The following RAB27A variants were observed in gnomAD, a reference collection of about 807,000 sequenced individuals.
RAB27A encodes the protein RAB27A, member RAS oncogene family.
A neutral mutation model predicts 20.8 loss-of-function variants in RAB27A; 17 were observed. The observed-to-expected ratio is 0.82, with a 90% confidence interval of 0.56 to 1.23. RAB27A has a LOEUF of 1.23. Among genes scored for constraint, RAB27A ranks in the 50% most tolerant of loss-of-function variants. RAB27A has a pLI of 0.00. For missense variants in RAB27A, 277 were observed against 266.7 expected, an observed-to-expected ratio of 1.04 and a Z score of -0.27; for synonymous variants, 85 against 92.8, an observed-to-expected ratio of 0.92 and a Z score of 0.48.
At chr15:55,271,619 A>G (rs901998126) in intron 1 of RAB27A, among the ~76,000 whole-genome samples, 1 of 152,222 alleles carries the variant, frequency 6.6e-6, no homozygotes, top group Admixed American at 6.5e-5. Flanking sequence ...TAATTATTCA[A>G]TTTATTTCTT....
At chr15:55,305,914 A>G (rs1416082168) in intron 2 of RAB27A, among the ~76,000 whole-genome samples, 4 of 152,214 alleles carry the variant, frequency 2.6e-5, no homozygotes, top group Non-Finnish European at 5.9e-5. Context: ...TCCTGCTCCA[A>G]TAACAAAAGG....
In RAB27A at chr15:55,205,274, G is replaced by A; in HGVS notation, c.*233C>T. 1 of 572,112 alleles carries A rather than the reference G, an allele frequency of 1.7e-6. No individual in the cohort carries two copies. The highest frequency in any genetic ancestry group is 2.0e-5 in the South Asian group (1 of 50,180). 35.4% of individuals were successfully genotyped at this position (572,112 alleles called of 1,614,324 possible). On this transcript the variant is annotated 3_prime_UTR_variant, in exon 7 of 7. Transcript: ENST00000336787. ...CTATAATAGGCTAAGGTTGTATAAGGCACTTTTGGCTCTGAAATATTTCTC... is the reference window on the plus strand; with the variant it reads ...CTATAATAGGCTAAGGTTGTATAAGACACTTTTGGCTCTGAAATATTTCTC...
At chr15:55,287,679 G>A (rs778750542) in intron 1 of RAB27A, among the ~76,000 whole-genome samples, 8 of 152,010 alleles carry the variant, frequency 5.3e-5, no homozygotes, top group Admixed American at 6.5e-5. Context: ...CCAGGGAGGC[G>A]GAGGTTGCAG....
At chr15:55,248,438 T>TGTA (rs1896769496) in intron 2 of RAB27A, among the ~76,000 whole-genome samples, 3 of 152,190 alleles carry the variant, frequency 2.0e-5, no homozygotes, top group Non-Finnish European at 4.4e-5. Flanking sequence ...TGAGTTGCTA[T>TGTA]ATCAACTTCA....
chr15:55,218,747 T>TC (rs1427214687), intron 6 of RAB27A, among the ~76,000 whole-genome samples: 2 of 151,754 alleles, frequency 1.3e-5, no homozygotes, highest in East Asian at 3.9e-4. Flanking sequence ...ACATTCTTTT[T>TC]TTTTTTTTTT....
chr15:55,259,486 T>C, intron 2 of RAB27A, among the ~76,000 whole-genome samples: 1 of 151,290 alleles, frequency 6.6e-6, no homozygotes, highest in Non-Finnish European at 1.5e-5. Flanking sequence ...GGGGTCTCAC[T>C]ATGTTGCCCA....
At chr15:55,285,633 C>A (rs1219787957) in intron 1 of RAB27A, among the ~76,000 whole-genome samples, 1 of 152,232 alleles carries the variant, frequency 6.6e-6, no homozygotes, top group East Asian at 1.9e-4. Flanking sequence ...CCAAGAAAAT[C>A]TGCAAGTGGC....
chr15:55,224,108 T>C, intron 5 of RAB27A, 96 bp from the exon 6 acceptor site: 1 of 883,060 alleles, frequency 1.1e-6, no homozygotes, highest in Non-Finnish European at 1.8e-6. Flanking sequence ...GACTATAATG[T>C]ATATATAGAT....
rs1229857604 is a variant in RAB27A at position 55,228,681 on chromosome 15, C to A, written c.271G>T (p.Asp91Tyr). The stretch of plus-strand genomic sequence containing the variant: ...AAAAGTAGAAGAAAACCCATAGCAT[C>A]TCTGAAGAACGCTGTCGTTAAGCTA... Reference protein sequence around the residue: ...FRSLTTAFFRDAMGFLLLFDL... With the variant: ...FRSLTTAFFRYAMGFLLLFDL... The change falls in exon 5 of 7, where the codon GAT (aspartate) becomes TAT (tyrosine). Residue 91 changes from aspartate (D) to tyrosine (Y), a missense_variant. Transcript: ENST00000336787. The A allele has an allele frequency of 6.2e-7, 1 of 1,613,814 alleles. No individual in the cohort carries two copies.
Position 55,230,432 on chromosome 15 carries a change from G to A in RAB27A, c.208C>T (p.Leu70=), listed in dbSNP as rs1259068708. Residue 70 remains leucine (L), a synonymous_variant, in exon 4 of 7, where the codon CTG becomes TTG. Coordinates refer to ENST00000336787, the MANE Select transcript of RAB27A (RefSeq NM_183235.3). ...TGCCCTGCTGTGTCCCATAACTGCAGGTGGATTCTCTGGCCTCTGCCAGTG... is the reference window on the plus strand; with the variant it reads ...TGCCCTGCTGTGTCCCATAACTGCAAGTGGATTCTCTGGCCTCTGCCAGTG... ...GATGRGQRIH[L]QLWDTAGQER... is the part of the protein sequence containing the mutation. 6.2e-7 allele frequency: 1 copy of A among 1,613,896 alleles called. No homozygotes were observed. Among genetic ancestry groups the A allele is most frequent in the Non-Finnish European group, 8.5e-7 (1 of 1,179,804 alleles).
intron 1 of RAB27A, among the ~76,000 whole-genome samples, chr15:55,276,648 T>G (rs1897882130): frequency 6.6e-6 from 1 of 152,076 alleles, no homozygotes; most frequent in Admixed American, 6.6e-5. Flanking sequence ...TGCCAGGGAC[T>G]GGGAGGAGGG....
chr15:55,215,380 C>T (rs1404203619), intron 6 of RAB27A, among the ~76,000 whole-genome samples: 2 of 152,272 alleles, frequency 1.3e-5, no homozygotes, highest in East Asian at 1.9e-4. Context: ...CGGCCGGGCG[C>T]GGTGGCTCAC....
chr15:55,240,792 T>C (rs1896448333), intron 2 of RAB27A, among the ~76,000 whole-genome samples: 1 of 152,216 alleles, frequency 6.6e-6, no homozygotes, highest in Non-Finnish European at 1.5e-5. Flanking sequence ...TTCTTTAAAA[T>C]TGGGGTGCAT....
Position 55,209,721 on chromosome 15 carries a change from T to C in RAB27A, c.468-4016A>G, listed in dbSNP as rs1424654434. On this transcript the variant is annotated intron_variant, in intron 6 of 6. Transcript: ENST00000336787. ...AAACTTTTAAGAAAACTTCCACTAATATATATACACATATATATACACATA... is the reference window on the plus strand; with the variant it reads ...AAACTTTTAAGAAAACTTCCACTAACATATATACACATATATATACACATA... 1.0e-4 allele frequency among the ~76,000 whole-genome samples: 15 copies of C among 149,014 alleles called. No homozygotes were observed. The East Asian group carries it at 2.8e-3, about 27-fold the overall frequency.
rs571896178 is a variant in RAB27A at position 55,206,251 on chromosome 15, T to A, written c.468-546A>T. On this transcript the variant is annotated intron_variant, in intron 6 of 6. Transcript: ENST00000336787. ...ATTTTTTAAAGGACCATATATATAT[T>A]TTGGCAATACATACTGATTTACTGT... The A allele has an allele frequency of 6.2e-5, 41 of 663,594 alleles. No individual in the cohort carries two copies. In the South Asian group the frequency reaches 8.9e-4, roughly 14 times the overall value. The allele number at this position is 663,594 out of a possible 1,614,324, so 41.1% of individuals were successfully genotyped here. A position where few individuals can be genotyped will look rare whatever the true frequency, so the allele number is the denominator to read the frequency against.
intron 6 of RAB27A, among the ~76,000 whole-genome samples, chr15:55,214,976 A>T (rs1462774275): frequency 1.3e-5 from 2 of 152,218 alleles, no homozygotes; most frequent in Non-Finnish European, 2.9e-5. Context: ...ATGTCCACAG[A>T]ACATTTCTTA....
intron 6 of RAB27A, among the ~76,000 whole-genome samples, chr15:55,210,129 T>C (rs897627789): frequency 1.6e-5 from 2 of 127,248 alleles, no homozygotes; most frequent in Non-Finnish European, 3.2e-5. Flanking sequence ...TATGTATATA[T>C]AGTGTATATA....
chr15:55,266,949 A>G (rs1162021354), intron 2 of RAB27A, among the ~76,000 whole-genome samples: 1 of 152,244 alleles, frequency 6.6e-6, no homozygotes, highest in Non-Finnish European at 1.5e-5. Flanking sequence ...TCAACATAAT[A>G]GTATTTCCTT....
chr15:55,316,478 C>A (rs1375401890), intron 1 of RAB27A, among the ~76,000 whole-genome samples: 1 of 151,482 alleles, frequency 6.6e-6, no homozygotes, highest in African/African-American at 2.4e-5. Context: ...TACCTAATGC[C>A]TGCAGGGCTT....
Sources: gnomAD v4.1 joint callset for allele counts (sites outside exome capture counted in the v4.1 genomes callset) on GRCh38, gnomAD v4.1.1 for gene constraint, MANE v1.5 for transcripts, NCBI Gene and HGNC (gene_info 2026-07-23, HGNC 2026-07-21) for gene names.